CEP126: variants seen among roughly 807,000 people sequenced by gnomAD.
CEP126 encodes the protein centrosomal protein of 126 kDa.
A neutral mutation model predicts 107.8 loss-of-function variants in CEP126; 74 were observed. The ratio of observed to expected loss-of-function variants is 0.69; its 90% CI spans 0.57 to 0.83. CEP126 has a LOEUF of 0.83. CEP126 is among the 40% of genes least tolerant of loss of function. CEP126 has a pLI of 0.00. For synonymous variants in CEP126, 449 were observed against 446.0 expected (o/e 1.01, Z -0.08); for missense variants, 1,237 against 1,281.9 (o/e 0.96, Z 0.53).
chr11:101,941,765 T>C (rs1226299045), intron 2 of CEP126, among the ~76,000 whole-genome samples: 2 of 152,154 alleles, frequency 1.3e-5, no homozygotes, highest in Non-Finnish European at 2.9e-5. Context: ...CAGCAATGCA[T>C]AAGAGTTCCA....
chr11:101,915,371 C>T lies in CEP126; in HGVS notation c.87C>T (p.Gly29=), dbSNP rs1338757762. ...SSDNLDRAPL[G]PRESGGHHRP... is the part of the protein sequence containing the mutation. ...ACAACCTCGACAGAGCCCCCCTCGG[C>T]CCTCGGGAGAGCGGCGGGCATCACC... The change falls in exon 1 of 11, where the codon GGC becomes GGT. Residue 29 remains glycine (G), a synonymous_variant. Coordinates refer to ENST00000263468, the MANE Select transcript of CEP126 (RefSeq NM_020802.4). 1 of 1,613,938 alleles carries T rather than the reference C, an allele frequency of 6.2e-7. No homozygotes were observed. Among genetic ancestry groups the T allele is most frequent in the Admixed American group, 1.7e-5 (1 of 60,024 alleles).
Position 101,944,331 on chromosome 11 carries a change from A to G in CEP126, c.315A>G (p.Gln105=), listed in dbSNP as rs547188169. 39 of 1,611,952 alleles carry G rather than the reference A, an allele frequency of 2.4e-5. 1 individual carries two copies. The East Asian group carries it at 8.3e-4, about 34-fold the overall frequency. Residue 105 remains glutamine (Q), a synonymous_variant, in exon 3 of 11, where the codon CAA becomes CAG. Coordinates refer to ENST00000263468, the MANE Select transcript of CEP126 (RefSeq NM_020802.4). The part of the protein sequence containing the change: ...KEHQIREQIL[Q]QRKQKFEEVT... ...ACCAAATTAGAGAACAAATACTTCA[A>G]CAAAGAAAACAGAAGTTTGAAGAAG... is the stretch of plus-strand genomic sequence containing the variant.
intron 2 of CEP126, 35 bp from the exon 3 acceptor site, chr11:101,944,230 C>T: frequency 6.6e-7 from 1 of 1,508,326 alleles, no homozygotes; most frequent in Non-Finnish European, 8.8e-7. Flanking sequence ...AACTTACCAC[C>T]TATTTCTGTT....
In CEP126 at chr11:101,972,669, C is replaced by T. The variant is rs144292211; in HGVS notation, c.2846-5678C>T. Among the ~76,000 whole-genome samples the T allele has an allele frequency of 4.4e-3, 662 of 150,606 alleles. 45 individuals are homozygous for T. In the East Asian group the frequency reaches 0.12, roughly 27 times the overall value. On this transcript the variant is annotated intron_variant, in intron 6 of 10. Coordinates refer to ENST00000263468, the MANE Select transcript of CEP126 (RefSeq NM_020802.4). ...TACAAAAATTAGCCGGGTGTGCTGG[C>T]GCGCACCTGTAGTCCCAGCTACTCT...
intron 2 of CEP126, among the ~76,000 whole-genome samples, chr11:101,928,991 A>G (rs1293548697): frequency 1.3e-5 from 2 of 152,162 alleles, no homozygotes; most frequent in East Asian, 3.9e-4. Context: ...TGACATCTTC[A>G]CTATGTTGGA....
chr11:101,924,461 TTTTTG>T (rs931294623), intron 2 of CEP126, among the ~76,000 whole-genome samples: 20 of 148,074 alleles, frequency 1.4e-4, no homozygotes, highest in Admixed American at 4.0e-4. Flanking sequence ...TGTGTGTGGT[TTTTTG>T]TTTTGTTTTG....
At chr11:101,953,967 GT>G (rs998692441) in intron 4 of CEP126, among the ~76,000 whole-genome samples, 16 of 148,396 alleles carry the variant, frequency 1.1e-4, no homozygotes, top group Admixed American at 2.7e-4. Context: ...TCACTTTCAG[GT>G]TTTTTTTTTC....
intron 2 of CEP126, among the ~76,000 whole-genome samples, chr11:101,943,066 T>C (rs1023660035): frequency 6.6e-6 from 1 of 151,710 alleles, no homozygotes; most frequent in Non-Finnish European, 1.5e-5. Context: ...ATTTCACTTT[T>C]TCCTTTCCAG....
At chr11:101,920,646 C>T (rs1591266374) in intron 1 of CEP126, among the ~76,000 whole-genome samples, 1 of 151,480 alleles carries the variant, frequency 6.6e-6, no homozygotes, top group East Asian at 1.9e-4. Flanking sequence ...CTGTGTTGCC[C>T]AGGCTGGAGT....
rs1941323035 is a variant in CEP126, at chr11:101,986,931, A to G, written c.3134A>G (p.Gln1045Arg). ...ACTGTCTTGAATAGCAAACAGATAC[A>G]GAAATCAAATCTACCTTTAAATAAA... ...ILTVLNSKQI[Q>R]KSNLPLNKTQ... The change falls in exon 9 of 11, where the codon CAG becomes CGG. Residue 1045 changes from glutamine to arginine, a missense_variant. Coordinates refer to ENST00000263468, the MANE Select transcript of CEP126 (RefSeq NM_020802.4). 1 of 1,613,850 alleles carries G rather than the reference A, an allele frequency of 6.2e-7. No homozygotes were observed. The highest frequency in any genetic ancestry group is 8.5e-7 in the Non-Finnish European group (1 of 1,179,806).
intron 7 of CEP126, among the ~76,000 whole-genome samples, chr11:101,978,992 G>A (rs937484162): frequency 1.3e-5 from 2 of 151,882 alleles, no homozygotes; most frequent in African/African-American, 2.4e-5. Flanking sequence ...ATTAGCCAGG[G>A]GTGGTGGCAG....
chr11:101,934,168 C>T (rs1384198742), intron 2 of CEP126, among the ~76,000 whole-genome samples: 3 of 152,118 alleles, frequency 2.0e-5, no homozygotes, highest in East Asian at 1.9e-4. Flanking sequence ...CTTTTCCTTA[C>T]TGCAGTCATC....
intron 2 of CEP126, among the ~76,000 whole-genome samples, chr11:101,924,733 G>T (rs1940381963): frequency 6.6e-6 from 1 of 151,946 alleles, no homozygotes; most frequent in Non-Finnish European, 1.5e-5. Flanking sequence ...CTCCCAAAGT[G>T]CTGGGATTAT....
At chr11:101,985,684 C>G (rs1190058999) in intron 8 of CEP126, among the ~76,000 whole-genome samples, 3 of 152,116 alleles carry the variant, frequency 2.0e-5, no homozygotes, top group Non-Finnish European at 4.4e-5. Context: ...TATCTAGTCC[C>G]AAGCATTTTG....
At chr11:101,968,769 A>G (rs1409048348) in intron 6 of CEP126, among the ~76,000 whole-genome samples, 6 of 152,170 alleles carry the variant, frequency 3.9e-5, no homozygotes, top group Non-Finnish European at 4.4e-5. Context: ...AAAGATGTCA[A>G]TTGAGAGAAA....
chr11:101,965,364 G>A lies in CEP126; in HGVS notation c.2845+1484G>A, dbSNP rs532855928. On this transcript the variant is annotated intron_variant, in intron 6 of 10. Transcript: ENST00000263468. Reference sequence around the variant, plus strand: ...AAACCATGAGTTTTTAAGGCCAAGGGACATTTGTGTAATTCATCACAGTAT... The same window carrying A: ...AAACCATGAGTTTTTAAGGCCAAGGAACATTTGTGTAATTCATCACAGTAT... Among the ~76,000 whole-genome samples, 13 of 152,198 alleles carry A rather than the reference G, an allele frequency of 8.5e-5. No homozygotes were observed. In the South Asian group the frequency reaches 2.1e-3, roughly 24 times the overall value.
chr11:101,965,978 G>A (rs1941053242), intron 6 of CEP126, among the ~76,000 whole-genome samples: 1 of 152,074 alleles, frequency 6.6e-6, no homozygotes, highest in African/African-American at 2.4e-5. Flanking sequence ...TTTCCCAATA[G>A]CTTATGTACA....
chr11:101,970,768 CTATT>C (rs555473348), intron 6 of CEP126, among the ~76,000 whole-genome samples: 2 of 152,236 alleles, frequency 1.3e-5, no homozygotes, highest in Admixed American at 6.5e-5. Flanking sequence ...GTTCCAATCA[CTATT>C]TAAGCACTTT....
chr11:101,960,388 C>G (rs541286580), intron 5 of CEP126, among the ~76,000 whole-genome samples: 11 of 152,258 alleles, frequency 7.2e-5, no homozygotes, highest in South Asian at 2.1e-4. Flanking sequence ...TCTTCTAACG[C>G]AAATTTCTGT....
Sources: allele counts gnomAD v4.1 joint callset (sites outside exome capture counted in the v4.1 genomes callset), GRCh38; gene constraint gnomAD v4.1.1; transcripts MANE v1.5; gene names NCBI Gene and HGNC (gene_info 2026-07-23, HGNC 2026-07-21).